The following SEMA6D variants were observed in gnomAD, a reference collection of about 807,000 sequenced individuals.
The protein encoded by SEMA6D is semaphorin-6D.
Under a neutral mutation model 106.6 loss-of-function variants are expected in SEMA6D, and 35 were observed. The observed-to-expected ratio is 0.33, with a 90% confidence interval of 0.25 to 0.44. SEMA6D has a LOEUF of 0.44. Among genes scored for constraint, SEMA6D ranks in the 20% least tolerant of loss-of-function variants. The pLI is 1.00. For missense variants in SEMA6D, 1,185 were observed against 1,345.9 expected, an observed-to-expected ratio of 0.88 and a Z score of 1.87; for synonymous variants, 499 against 487.7, an observed-to-expected ratio of 1.02 and a Z score of -0.31.
intron 1 of SEMA6D, among the ~76,000 whole-genome samples, chr15:47,294,891 T>A (rs1022182289): frequency 6.9e-6 from 1 of 144,920 alleles, no homozygotes; most frequent in Non-Finnish European, 1.5e-5. Context: ...TTGAAAGTGT[T>A]CATTCTCTTT....
intron 3 of SEMA6D, among the ~76,000 whole-genome samples, chr15:47,587,638 T>C (rs1395420887): frequency 6.6e-6 from 1 of 152,164 alleles, no homozygotes; most frequent in Non-Finnish European, 1.5e-5. Context: ...GGGCCATACA[T>C]TCTTTATCAC....
At chr15:47,492,169 T>G (rs1307652655) in intron 3 of SEMA6D, among the ~76,000 whole-genome samples, 1 of 152,182 alleles carries the variant, frequency 6.6e-6, no homozygotes, top group Non-Finnish European at 1.5e-5. Context: ...TTACAAATGT[T>G]CAGTTCAAAT....
At chr15:47,556,237 G>T (rs1023518956) in intron 3 of SEMA6D, among the ~76,000 whole-genome samples, 2 of 151,934 alleles carry the variant, frequency 1.3e-5, no homozygotes, top group Non-Finnish European at 2.9e-5. Flanking sequence ...AAATTATCCC[G>T]CAATCCCACC....
chr15:47,298,241 C>G (rs1196522074), intron 1 of SEMA6D, among the ~76,000 whole-genome samples: 2 of 152,142 alleles, frequency 1.3e-5, no homozygotes, highest in Non-Finnish European at 2.9e-5. Context: ...CCTGCCATCT[C>G]CTAGCCCTGT....
chr15:47,745,890 A>T (rs2081102760), intron 1 of SEMA6D, among the ~76,000 whole-genome samples: 1 of 152,220 alleles, frequency 6.6e-6, no homozygotes, highest in South Asian at 2.1e-4. Context: ...TTATGAACTC[A>T]CAGGAAGTTG....
intron 1 of SEMA6D, among the ~76,000 whole-genome samples, chr15:47,329,457 G>A (rs1016206606): frequency 2.3e-4 from 35 of 152,250 alleles, no homozygotes; most frequent in African/African-American, 8.2e-4. Flanking sequence ...AACTAAACAG[G>A]CGTATAAGGT....
intron 1 of SEMA6D, among the ~76,000 whole-genome samples, chr15:47,237,327 C>G (rs1394067539): frequency 6.6e-6 from 1 of 152,054 alleles, no homozygotes; most frequent in Non-Finnish European, 1.5e-5. Flanking sequence ...ATAGTTATTC[C>G]ACTTAAATGA....
In SEMA6D at chr15:47,736,358, C is replaced by T. The variant is rs574199246; in HGVS notation, c.-55+18666C>T. On this transcript the variant is annotated intron_variant, in intron 1 of 18. Transcript: ENST00000536845. ...ACAGAGGCAGAATTGCAGAATCACC[C>T]TTATCTGCTATGATTATCTTACGAC... is the stretch of plus-strand genomic sequence containing the variant. 1.2e-3 allele frequency among the ~76,000 whole-genome samples: 181 copies of T among 152,254 alleles called. 1 individual carries two copies. Among genetic ancestry groups the T allele is most frequent in the Non-Finnish European group, 1.1e-3 (76 of 68,020 alleles).
intron 4 of SEMA6D, among the ~76,000 whole-genome samples, chr15:47,626,757 T>A (rs2077208671): frequency 6.6e-6 from 1 of 152,060 alleles, no homozygotes; most frequent in Non-Finnish European, 1.5e-5. Flanking sequence ...CAAGTCCCCT[T>A]GTTTGATAGA....
intron 1 of SEMA6D, among the ~76,000 whole-genome samples, chr15:47,755,730 A>C (rs2081685910): frequency 6.6e-6 from 1 of 151,880 alleles, no homozygotes. Context: ...GTGGGACCTA[A>C]ACTTGTGACT....
At position 47,767,163 on chromosome 15, in the gene SEMA6D, C is replaced by T. The variant is rs1237798196; in HGVS notation, c.1765+70C>T. 4 of 1,019,490 alleles carry T rather than the reference C, an allele frequency of 3.9e-6. No homozygotes were observed. The African/African-American group carries it at 6.6e-5, about 17-fold the overall frequency. The allele number at this position is 1,019,490 out of a possible 1,614,324, so 63.2% of individuals were successfully genotyped here. On this transcript the variant is annotated intron_variant, in intron 17 of 18. Coordinates refer to ENST00000536845, the MANE Select transcript of SEMA6D (RefSeq NM_001358351.3). ...TTCAGTTCAGCATTTTCAGCCCCTT[C>T]TCCCCTCCTTTTGCGCAGTTTGGCA...
chr15:47,560,986 C>A (rs2046063041), intron 3 of SEMA6D, among the ~76,000 whole-genome samples: 1 of 149,804 alleles, frequency 6.7e-6, no homozygotes, highest in Admixed American at 6.7e-5. Context: ...AACTGTAAGA[C>A]AATAAATTTC....
At chr15:47,277,307 G>A (rs987257555) in intron 1 of SEMA6D, among the ~76,000 whole-genome samples, 4 of 152,096 alleles carry the variant, frequency 2.6e-5, no homozygotes, top group African/African-American at 9.7e-5. Context: ...GTCATACTGT[G>A]GGTAGAATGC....
chr15:47,226,939 A>G (rs1450758678), intron 1 of SEMA6D, among the ~76,000 whole-genome samples: 4 of 151,976 alleles, frequency 2.6e-5, no homozygotes, highest in African/African-American at 9.7e-5. Flanking sequence ...CGATCATGTT[A>G]TTCATTCTGA....
chr15:47,654,944 A>G, intron 4 of SEMA6D, among the ~76,000 whole-genome samples: 1 of 152,170 alleles, frequency 6.6e-6, no homozygotes, highest in South Asian at 2.1e-4. Context: ...GCCTAATACA[A>G]TCATAAAAAT....
intron 4 of SEMA6D, among the ~76,000 whole-genome samples, chr15:47,623,011 A>G (rs1049547160): frequency 6.6e-6 from 1 of 152,184 alleles, no homozygotes; most frequent in South Asian, 2.1e-4. Flanking sequence ...CAACCAGTCC[A>G]CTACCCACTG....
intron 3 of SEMA6D, among the ~76,000 whole-genome samples, chr15:47,473,816 T>C (rs1335084057): frequency 6.6e-6 from 1 of 152,158 alleles, no homozygotes; most frequent in Non-Finnish European, 1.5e-5. Flanking sequence ...TTCTTTTTCT[T>C]TGACCCAGAA....
At chr15:47,672,565 A>G (rs2078158807) in intron 4 of SEMA6D, among the ~76,000 whole-genome samples, 1 of 152,146 alleles carries the variant, frequency 6.6e-6, no homozygotes, top group Non-Finnish European at 1.5e-5. Context: ...AAATAATTAT[A>G]TTACTGGTGT....
At chr15:47,768,543 C>T in intron 17 of SEMA6D, 38 bp from the exon 18 acceptor site, 3 of 1,486,242 alleles carry the variant, frequency 2.0e-6, no homozygotes, top group Non-Finnish European at 9.1e-7. Context: ...AAAATCTTGA[C>T]ACTATCCATA....
Sources: allele counts gnomAD v4.1 joint callset (sites outside exome capture counted in the v4.1 genomes callset), GRCh38; gene constraint gnomAD v4.1.1; transcripts MANE v1.5; gene names NCBI Gene and HGNC (gene_info 2026-07-23, HGNC 2026-07-21).